Variants in ADGRB3 observed in about 807,000 individuals in gnomAD.
The protein encoded by ADGRB3 is adhesion G protein-coupled receptor B3, also known as brain-specific angiogenesis inhibitor 3.
ADGRB3 carries 37 observed loss-of-function variants against 193.4 expected under a neutral mutation model. That is an observed-to-expected ratio of 0.19 (90% CI 0.15 to 0.25). The LOEUF (loss-of-function observed/expected upper bound fraction) is 0.25. Among genes scored for constraint, ADGRB3 ranks in the 10% least tolerant of loss-of-function variants. ADGRB3 has a pLI of 1.00. For missense variants in ADGRB3, 1,637 were observed against 1,852.9 expected, an observed-to-expected ratio of 0.88 and a Z score of 2.14; for synonymous variants, 690 against 644.2, an observed-to-expected ratio of 1.07 and a Z score of -1.08.
chr6:69,033,975 T>A (rs1457629779), intron 13 of ADGRB3, among the ~76,000 whole-genome samples: 1 of 152,056 alleles, frequency 6.6e-6, no homozygotes, highest in Non-Finnish European at 1.5e-5. Context: ...GGATAATAGG[T>A]TATATTCCCA....
intron 3 of ADGRB3, among the ~76,000 whole-genome samples, chr6:68,728,004 T>G (rs1346621326): frequency 6.6e-6 from 1 of 151,564 alleles, no homozygotes; most frequent in Non-Finnish European, 1.5e-5. Context: ...ATAAATTTCT[T>G]CTGTTTTATT....
rs540124593 is a variant in ADGRB3 at position 69,246,611 on chromosome 6, A to G, written c.2814+7385A>G. On this transcript the variant is annotated intron_variant, in intron 20 of 31. Transcript: ENST00000370598. ...TAGTCCCTTGATTATTCATTTCCAG[A>G]TTTGTGTGGTAAAAGCCAGAGACCA... Among the ~76,000 whole-genome samples, 138 of 152,262 alleles carry G rather than the reference A, an allele frequency of 9.1e-4. 1 individual carries two copies. The highest frequency in any genetic ancestry group is 3.2e-3 in the African/African-American group (134 of 41,564).
At chr6:69,075,852 TATAA>T in intron 16 of ADGRB3, 139 bp from the exon 17 acceptor site, 4 of 652,124 alleles carry the variant, frequency 6.1e-6, no homozygotes, top group Admixed American at 6.6e-5. Context: ...GCAAATTTCT[TATAA>T]ATAATTAAAA....
At chr6:69,191,597 A>T (rs1223284372) in intron 17 of ADGRB3, among the ~76,000 whole-genome samples, 1 of 152,168 alleles carries the variant, frequency 6.6e-6, no homozygotes, top group Non-Finnish European at 1.5e-5. Flanking sequence ...TATGGAATAT[A>T]AATCTAATGG....
intron 13 of ADGRB3, among the ~76,000 whole-genome samples, chr6:69,020,020 A>G (rs1770217453): frequency 6.6e-6 from 1 of 152,070 alleles, no homozygotes; most frequent in South Asian, 2.1e-4. Flanking sequence ...GCAAGATTCC[A>G]GGGATGCTAG....
chr6:68,733,322 A>C (rs747889254), intron 3 of ADGRB3, among the ~76,000 whole-genome samples: 1 of 150,578 alleles, frequency 6.6e-6, no homozygotes, highest in Non-Finnish European at 1.5e-5. Context: ...CATAAAAAAG[A>C]ATGACATCGT....
chr6:68,753,394 C>A (rs770502382), intron 3 of ADGRB3, among the ~76,000 whole-genome samples: 12 of 152,218 alleles, frequency 7.9e-5, no homozygotes, highest in South Asian at 2.1e-4. Context: ...AATTAAGCCG[C>A]GAAGTAGTAG....
intron 3 of ADGRB3, among the ~76,000 whole-genome samples, chr6:68,845,212 C>T (rs1768249292): frequency 6.6e-6 from 1 of 152,098 alleles, no homozygotes; most frequent in African/African-American, 2.4e-5. Flanking sequence ...CAACATATCT[C>T]ATGTTCCTCA....
At chr6:68,976,803 A>G (rs1768762401) in intron 10 of ADGRB3, among the ~76,000 whole-genome samples, 1 of 152,028 alleles carries the variant, frequency 6.6e-6, no homozygotes, top group Admixed American at 6.6e-5. Context: ...GCAATACAAA[A>G]TCTGCATGTA....
rs548806276 is a variant in ADGRB3, at chr6:68,841,918, A to C, written c.758-88641A>C. Among the ~76,000 whole-genome samples, 5 of 126,164 alleles carry C rather than the reference A, an allele frequency of 4.0e-5. No individual in the cohort carries two copies. In the South Asian group the frequency reaches 1.3e-3, roughly 33 times the overall value. 82.8% of individuals were successfully genotyped at this position (126,164 alleles called of 152,430 possible). On this transcript the variant is annotated intron_variant, in intron 3 of 31. Transcript: ENST00000370598. ...AGGAGTGGGATTGCTTAATTGGTACAAAAAATAGGAAAAACAAATGACACC... is the reference window on the plus strand; with the variant it reads ...AGGAGTGGGATTGCTTAATTGGTACCAAAAATAGGAAAAACAAATGACACC...
chr6:68,702,208 A>AAGAG (rs140234329), intron 3 of ADGRB3, among the ~76,000 whole-genome samples: 54,649 of 148,850 alleles, frequency 0.37, 10,281 homozygotes, highest in East Asian at 0.58. Context: ...AGGAGCGAGA[A>AAGAG]AGAGAGAGAG....
intron 3 of ADGRB3, among the ~76,000 whole-genome samples, chr6:68,817,446 T>C (rs1767659673): frequency 6.7e-6 from 1 of 149,474 alleles, no homozygotes; most frequent in African/African-American, 2.4e-5. Flanking sequence ...TAGTTTTTTT[T>C]CACATCTAAG....
intron 20 of ADGRB3, among the ~76,000 whole-genome samples, chr6:69,311,397 G>A (rs1768189116): frequency 6.6e-6 from 1 of 151,730 alleles, no homozygotes. Flanking sequence ...CTGTGGTATA[G>A]GTCATCTGTT....
chr6:68,739,783 G>A (rs553371595), intron 3 of ADGRB3, among the ~76,000 whole-genome samples: 1 of 152,098 alleles, frequency 6.6e-6, no homozygotes, highest in Admixed American at 6.5e-5. Flanking sequence ...CAAATTGTAG[G>A]TTAATTATGA....
chr6:68,989,451 G>A (rs1313685015), intron 10 of ADGRB3, among the ~76,000 whole-genome samples: 3 of 152,038 alleles, frequency 2.0e-5, no homozygotes, highest in Non-Finnish European at 2.9e-5. Context: ...ACCTATACCA[G>A]GATCCATCTC....
chr6:69,120,744 A>C (rs2150329449), intron 17 of ADGRB3, among the ~76,000 whole-genome samples: 1 of 152,316 alleles, frequency 6.6e-6, no homozygotes, highest in East Asian at 1.9e-4. Context: ...TGCTTTCAAA[A>C]AGAAATAATA....
intron 3 of ADGRB3, among the ~76,000 whole-genome samples, chr6:68,861,930 T>G (rs926335678): frequency 6.6e-6 from 1 of 152,194 alleles, no homozygotes; most frequent in Non-Finnish European, 1.5e-5. Context: ...TGACATTTTA[T>G]AAGAGCTAGA....
intron 3 of ADGRB3, among the ~76,000 whole-genome samples, chr6:68,723,273 T>C (rs114739950): frequency 4.1e-4 from 62 of 151,870 alleles, no homozygotes; most frequent in African/African-American, 1.4e-3. Flanking sequence ...TTATCTATTT[T>C]TCTCAGGTCA....
intron 3 of ADGRB3, among the ~76,000 whole-genome samples, chr6:68,888,030 T>C (rs1765958158): frequency 1.3e-5 from 2 of 152,190 alleles, no homozygotes; most frequent in Non-Finnish European, 2.9e-5. Flanking sequence ...CTTTTTCATT[T>C]TAGTACAAAA....
Sources: allele counts gnomAD v4.1 joint callset (sites outside exome capture counted in the v4.1 genomes callset), GRCh38; gene constraint gnomAD v4.1.1; transcripts MANE v1.5; gene names NCBI Gene and HGNC (gene_info 2026-07-23, HGNC 2026-07-21).